The following CHL1 variants were observed in gnomAD, a reference collection of about 807,000 sequenced individuals.
The protein encoded by CHL1 is cell adhesion molecule L1 like, also known as neural cell adhesion molecule L1-like protein.
CHL1 carries 96 observed loss-of-function variants against 141.9 expected under a neutral mutation model. That is an observed-to-expected ratio of 0.68 (90% CI 0.57 to 0.80). CHL1 has a LOEUF of 0.80. Ranked by LOEUF, CHL1 falls within the 30% of genes least tolerant of loss-of-function variation. The pLI is 0.00. For missense variants in CHL1, 1,820 were observed against 1,457.2 expected, an observed-to-expected ratio of 1.25 and a Z score of -4.05; for synonymous variants, 613 against 502.2, an observed-to-expected ratio of 1.22 and a Z score of -2.95.
intron 15 of CHL1, among the ~76,000 whole-genome samples, chr3:366,924 A>G (rs192627758): frequency 6.6e-6 from 1 of 152,284 alleles, no homozygotes; most frequent in East Asian, 1.9e-4. Context: ...TTTTCCTTCT[A>G]CTTTTCAATC....
rs1709691893 is a variant in CHL1 at position 408,868 on chromosome 3, C to T, written c.*3157C>T. ...AAAGGCATTGATATTTTAGATGCAC[C>T]CGTGTTTGTAAAAATGTAGAGCACA... On this transcript the variant is annotated 3_prime_UTR_variant, in exon 28 of 28. Transcript: ENST00000256509. 1 of 151,786 alleles carries T rather than the reference C, an allele frequency of 6.6e-6. No individual in the cohort carries two copies. Among genetic ancestry groups the T allele is most frequent in the Non-Finnish European group, 1.5e-5 (1 of 67,920 alleles). The allele number at this position is 151,786 out of a possible 1,614,324, so 9.4% of individuals were successfully genotyped here.
At chr3:283,715 T>G (rs1047937286) in intron 2 of CHL1, among the ~76,000 whole-genome samples, 1 of 152,182 alleles carries the variant, frequency 6.6e-6, no homozygotes, top group Admixed American at 6.5e-5. Flanking sequence ...GGTACATACA[T>G]TGGATGTTTA....
chr3:241,285 A>C (rs568637774), intron 1 of CHL1, among the ~76,000 whole-genome samples: 9 of 152,374 alleles, frequency 5.9e-5, no homozygotes, highest in Non-Finnish European at 1.2e-4. Flanking sequence ...TTGTGAAGCC[A>C]AGTTTTCTTC....
At chr3:220,332 G>T (rs1392493713) in intron 1 of CHL1, among the ~76,000 whole-genome samples, 1 of 152,140 alleles carries the variant, frequency 6.6e-6, no homozygotes, top group South Asian at 2.1e-4. Context: ...AGTCAGGAGT[G>T]GTGGTATGCA....
chr3:388,351 C>G (rs1390860843), intron 19 of CHL1, among the ~76,000 whole-genome samples: 2 of 152,096 alleles, frequency 1.3e-5, no homozygotes, highest in African/African-American at 2.4e-5. Flanking sequence ...AGTTCAAGAC[C>G]AGCCTGACCA....
At chr3:346,507 C>T (rs952094361) in intron 9 of CHL1, among the ~76,000 whole-genome samples, 1 of 152,080 alleles carries the variant, frequency 6.6e-6, no homozygotes, top group African/African-American at 2.4e-5. Flanking sequence ...CTTCACTGAC[C>T]TCTTGGATTG....
intron 9 of CHL1, 91 bp from the exon 10 acceptor site, chr3:349,268 G>A: frequency 3.6e-6 from 4 of 1,108,548 alleles, no homozygotes; most frequent in East Asian, 2.6e-5. Flanking sequence ...ATGTGTAAAA[G>A]CACCCTGATA....
chr3:253,996 C>T (rs1319050130), intron 2 of CHL1, among the ~76,000 whole-genome samples: 1 of 152,172 alleles, frequency 6.6e-6, no homozygotes, highest in East Asian at 1.9e-4. Context: ...TTTACGAATG[C>T]ACAAATGGAG....
intron 15 of CHL1, among the ~76,000 whole-genome samples, chr3:375,237 G>A (rs73105026): frequency 0.079 from 11,970 of 152,110 alleles, 1,010 homozygotes; most frequent in African/African-American, 0.21. Flanking sequence ...ACCATTTTTA[G>A]AATTTATATC....
intron 3 of CHL1, among the ~76,000 whole-genome samples, chr3:324,294 T>C (rs553599979): frequency 6.6e-6 from 1 of 152,102 alleles, no homozygotes; most frequent in Non-Finnish European, 1.5e-5. Flanking sequence ...TCTGTGCCTG[T>C]CTCCAAATTG....
chr3:306,287 C>G (rs934769355), intron 2 of CHL1, among the ~76,000 whole-genome samples: 1 of 152,120 alleles, frequency 6.6e-6, no homozygotes, highest in African/African-American at 2.4e-5. Context: ...ATCTGGAAAT[C>G]ATACTTTGTA....
At chr3:318,700 G>C (rs1374378511) in intron 2 of CHL1, among the ~76,000 whole-genome samples, 1 of 150,892 alleles carries the variant, frequency 6.6e-6, no homozygotes, top group Non-Finnish European at 1.5e-5. Context: ...CAGTTAAAAT[G>C]GTGGCCTTTA....
chr3:211,099 G>T (rs1699867196), intron 1 of CHL1, among the ~76,000 whole-genome samples: 1 of 152,186 alleles, frequency 6.6e-6, no homozygotes, highest in Non-Finnish European at 1.5e-5. Flanking sequence ...AGAGTCAAAA[G>T]GGCCACGGTG....
At chr3:204,829 A>G (rs1179483343) in intron 1 of CHL1, among the ~76,000 whole-genome samples, 4 of 152,078 alleles carry the variant, frequency 2.6e-5, no homozygotes, top group Admixed American at 1.3e-4. Context: ...GTCTTGCATT[A>G]TTTGTGTGCT....
chr3:340,953 T>G, intron 6 of CHL1, 37 bp downstream of exon 6: 1 of 1,580,354 alleles, frequency 6.3e-7, no homozygotes, highest in Non-Finnish European at 8.6e-7. Flanking sequence ...AAGGGGGACA[T>G]TTTAATTCTA....
chr3:371,830 G>C (rs1705673021), intron 15 of CHL1, among the ~76,000 whole-genome samples: 1 of 152,168 alleles, frequency 6.6e-6, no homozygotes, highest in African/African-American at 2.4e-5. Flanking sequence ...GCATTTGCTT[G>C]TCTGGAAAGG....
chr3:333,822 T>C (rs562145710), intron 5 of CHL1, among the ~76,000 whole-genome samples: 2 of 152,222 alleles, frequency 1.3e-5, no homozygotes, highest in Non-Finnish European at 2.9e-5. Flanking sequence ...ATAATATAAA[T>C]AATCCTAATT....
At chr3:308,547 A>T (rs573067002) in intron 2 of CHL1, among the ~76,000 whole-genome samples, 2 of 151,702 alleles carry the variant, frequency 1.3e-5, no homozygotes, top group South Asian at 4.2e-4. Flanking sequence ...TAATCATATA[A>T]ACATAGATAG....
At chr3:321,279 T>A (rs1700542968) in intron 3 of CHL1, among the ~76,000 whole-genome samples, 1 of 152,066 alleles carries the variant, frequency 6.6e-6, no homozygotes, top group Non-Finnish European at 1.5e-5. Context: ...TTCCATTTCT[T>A]AAGAAATTCC....
Sources: gnomAD v4.1 joint callset for allele counts (sites outside exome capture counted in the v4.1 genomes callset) on GRCh38, gnomAD v4.1.1 for gene constraint, MANE v1.5 for transcripts, NCBI Gene and HGNC (gene_info 2026-07-23, HGNC 2026-07-21) for gene names.